IRAK2: variants seen among roughly 807,000 people sequenced by gnomAD.
IRAK2 encodes interleukin-1 receptor-associated kinase-like 2.
Under a neutral mutation model 72.0 loss-of-function variants are expected in IRAK2, and 57 were observed. The ratio of observed to expected loss-of-function variants is 0.79; its 90% CI spans 0.64 to 0.99. The LOEUF (loss-of-function observed/expected upper bound fraction) is 0.99, where lower values mean the gene tolerates loss of function less well. IRAK2 is among the 50% of genes least tolerant of loss of function. The pLI is 0.00. For missense variants in IRAK2, 790 were observed against 794.4 expected (o/e 0.99, Z 0.07); for synonymous variants, 293 against 312.7 (o/e 0.94, Z 0.67).
Position 10,219,747 on chromosome 3 carries a change from A to G in IRAK2, c.971A>G (p.Glu324Gly). 6.2e-7 allele frequency: 1 copy of G among 1,613,754 alleles called. No individual in the cohort carries two copies. Among genetic ancestry groups the G allele is most frequent in the Admixed American group, 1.7e-5 (1 of 59,992 alleles). Reference protein sequence around the residue: ...SICSGLLCAVEYLHGLEIIHS... With the variant: ...SICSGLLCAVGYLHGLEIIHS... The stretch of plus-strand genomic sequence containing the variant: ...TGCTCAGGGCTGCTCTGTGCCGTCG[A>G]GTACCTGCATGGTCTGGAGATCATC... Residue 324 changes from glutamate to glycine, a missense_variant, in exon 8 of 13, where the codon GAG becomes GGG. Transcript: ENST00000256458.
Position 10,222,763 on chromosome 3 carries a change from T to C in IRAK2, c.1141T>C (p.Tyr381His), listed in dbSNP as rs944113813. The C allele has an allele frequency of 1.2e-6, 2 of 1,614,246 alleles. No homozygotes were observed. Among genetic ancestry groups the C allele is most frequent in the Non-Finnish European group, 1.7e-6 (2 of 1,180,034 alleles). ...KTHLLRTSAAYLPEDFIRVGQ... is the reference protein window; with the variant it reads ...KTHLLRTSAAHLPEDFIRVGQ... ...TCACCTGCTCCGGACGTCAGCCGCGTATCTGCCAGAGGATTTCATCCGGGT... is the reference window on the plus strand; with the variant it reads ...TCACCTGCTCCGGACGTCAGCCGCGCATCTGCCAGAGGATTTCATCCGGGT... Residue 381 changes from tyrosine to histidine, a missense_variant, in exon 9 of 13, where the codon TAT (tyrosine) becomes CAT (histidine). Physicochemically the swap from Tyr to His is moderately conservative, Grantham distance 83 (BLOSUM62 2). Transcript: ENST00000256458.
At chr3:10,190,084 C>G (rs1453010001) in intron 2 of IRAK2, among the ~76,000 whole-genome samples, 1 of 151,060 alleles carries the variant, frequency 6.6e-6, no homozygotes. Context: ...AGTAATTTCC[C>G]AAGGCCACAT....
chr3:10,222,135 A>G (rs907440517), intron 8 of IRAK2, among the ~76,000 whole-genome samples: 1 of 151,804 alleles, frequency 6.6e-6, no homozygotes, highest in Non-Finnish European at 1.5e-5. Context: ...TGATCTGCCC[A>G]TCTCGGCCTC....
chr3:10,239,263 C>A (rs982019743), intron 12 of IRAK2, among the ~76,000 whole-genome samples: 8 of 152,186 alleles, frequency 5.3e-5, no homozygotes, highest in African/African-American at 1.9e-4. Context: ...CATTGGCCTC[C>A]AAAATCTCTC....
intron 1 of IRAK2, among the ~76,000 whole-genome samples, chr3:10,168,902 C>T (rs1266726794): frequency 1.3e-5 from 2 of 152,196 alleles, no homozygotes; most frequent in Admixed American, 1.3e-4. Flanking sequence ...TATTAGTTTC[C>T]TCCTGTTGCA....
chr3:10,209,462 T>G (rs1697484890), intron 3 of IRAK2, 127 bp from the exon 4 acceptor site: 1 of 539,746 alleles, frequency 1.9e-6, no homozygotes, highest in Non-Finnish European at 3.2e-6. Context: ...ATGGTGGGTG[T>G]CAGGAATTGG....
At position 10,226,356 on chromosome 3, in the gene IRAK2, T is replaced by A. The variant is rs1274986822; in HGVS notation, c.1210-15T>A. ...AGCGTCTGAACCATGCTAACTCACGTTCTGTTCTCTCCAGGTGTTGGCCGA... is the reference window on the plus strand; with the variant it reads ...AGCGTCTGAACCATGCTAACTCACGATCTGTTCTCTCCAGGTGTTGGCCGA... On this transcript the variant is annotated splice_polypyrimidine_tract_variant and intron_variant, in intron 9 of 12. Coordinates refer to ENST00000256458, the MANE Select transcript of IRAK2 (RefSeq NM_001570.4). 6.2e-7 allele frequency: 1 copy of A among 1,611,624 alleles called. No individual in the cohort carries two copies. Among genetic ancestry groups the A allele is most frequent in the Admixed American group, 1.7e-5 (1 of 59,942 alleles).
chr3:10,227,207 G>A (rs1697792934), intron 10 of IRAK2, among the ~76,000 whole-genome samples: 1 of 152,046 alleles, frequency 6.6e-6, no homozygotes, highest in African/African-American at 2.4e-5. Flanking sequence ...GCACTTTGGA[G>A]GAGGCCAAGG....
chr3:10,233,197 G>A (rs1180278839), intron 10 of IRAK2, among the ~76,000 whole-genome samples: 1 of 151,936 alleles, frequency 6.6e-6, no homozygotes, highest in South Asian at 2.1e-4. Context: ...CTATAGGCAC[G>A]CACCGCCATG....
At chr3:10,191,332 C>T (rs1017476712) in intron 2 of IRAK2, among the ~76,000 whole-genome samples, 5 of 151,714 alleles carry the variant, frequency 3.3e-5, no homozygotes, top group African/African-American at 4.8e-5. Flanking sequence ...CCAGTCGTGA[C>T]GCCCAGCCTA....
chr3:10,219,974 C>T (rs947290295), intron 8 of IRAK2, among the ~76,000 whole-genome samples, 185 bp downstream of exon 8: 6 of 152,160 alleles, frequency 3.9e-5, no homozygotes, highest in African/African-American at 7.2e-5. Flanking sequence ...TGAGTGTTTC[C>T]GGGCTGTGCT....
At chr3:10,166,217 C>T (rs1484560626) in intron 1 of IRAK2, among the ~76,000 whole-genome samples, 1 of 152,190 alleles carries the variant, frequency 6.6e-6, no homozygotes, top group Non-Finnish European at 1.5e-5. Context: ...TGACTATCAA[C>T]CTGTTTTGAG....
chr3:10,182,827 G>A (rs919739602), intron 2 of IRAK2, among the ~76,000 whole-genome samples: 3 of 151,424 alleles, frequency 2.0e-5, no homozygotes, highest in Admixed American at 6.6e-5. Context: ...CTGGAGTGCA[G>A]TAGTGCGATC....
rs758996931 is a variant in IRAK2, at chr3:10,177,913, C to T, written c.170C>T (p.Thr57Met). Reference protein sequence around the residue: ...SMERVQGVSITRELLWWWGMR... With the variant: ...SMERVQGVSIMRELLWWWGMR... ...GAGCGGGTGCAGGGTGTGAGCATCACGCGGGAGCTGCTGTGGTGGTGGGGC... is the reference window on the plus strand; with the variant it reads ...GAGCGGGTGCAGGGTGTGAGCATCATGCGGGAGCTGCTGTGGTGGTGGGGC... The change falls in exon 2 of 13, where the codon ACG (threonine) becomes ATG (methionine). Residue 57 changes from threonine (T) to methionine (M), a missense_variant. Physicochemically the swap from Thr to Met is moderately conservative, Grantham distance 81. Coordinates refer to ENST00000256458, the MANE Select transcript of IRAK2 (RefSeq NM_001570.4). 13 of 1,613,796 alleles carry T rather than the reference C, an allele frequency of 8.1e-6. No homozygotes were observed. Among genetic ancestry groups the T allele is most frequent in the Admixed American group, 3.3e-5 (2 of 60,004 alleles).
At chr3:10,222,521 A>G in intron 8 of IRAK2, 115 bp from the exon 9 acceptor site, 1 of 801,812 alleles carries the variant, frequency 1.2e-6, no homozygotes, top group Admixed American at 2.1e-5. Flanking sequence ...GGGTCTTTAG[A>G]GACCTCAACT....
intron 3 of IRAK2, among the ~76,000 whole-genome samples, chr3:10,207,896 G>C (rs1415905824): frequency 1.3e-5 from 2 of 151,590 alleles, no homozygotes; most frequent in Non-Finnish European, 2.9e-5. Flanking sequence ...GTAGGCTGAG[G>C]CAGGAGAATC....
chr3:10,219,282 C>G (rs1031249973), intron 7 of IRAK2, among the ~76,000 whole-genome samples: 1 of 152,002 alleles, frequency 6.6e-6, no homozygotes, highest in Non-Finnish European at 1.5e-5. Context: ...GGATCAGGAG[C>G]CTGGGACCCT....
rs1397867033 is a variant in IRAK2, at chr3:10,200,402, C to G, written c.311C>G (p.Pro104Arg). ...GCTCCTGAAATCAGGTGTCCCATTC[C>G]AGCCTTCCCTGACTCTGTGAAGCCA... ...KPAPEIRCPI[P>R]AFPDSVKPEK... Residue 104 changes from proline to arginine, a missense_variant, in exon 3 of 13, where the codon CCA (proline) becomes CGA (arginine). Physicochemically the swap from Pro to Arg is moderately radical, Grantham distance 103. Coordinates refer to ENST00000256458, the MANE Select transcript of IRAK2 (RefSeq NM_001570.4). The G allele has an allele frequency of 6.2e-7, 1 of 1,601,502 alleles. No individual in the cohort carries two copies.
Position 10,219,681 on chromosome 3 carries a change from G to A in IRAK2, c.905G>A (p.Gly302Asp), listed in dbSNP as rs201081518. Residue 302 changes from glycine (G) to aspartate (D), a missense_variant and splice_region_variant, in exon 8 of 13, where the codon GGT becomes GAT. Coordinates refer to ENST00000256458, the MANE Select transcript of IRAK2 (RefSeq NM_001570.4). ...GSLQDRLQGQ[G>D]GSDPLPWPQR... ...TCCTCCTGCTTTTCTTTCTCTTAGG[G>A]TGGCTCGGACCCCCTCCCCTGGCCC... The A allele has an allele frequency of 1.2e-5, 20 of 1,612,122 alleles. No individual in the cohort carries two copies. The African/African-American group carries it at 1.7e-4, about 14-fold the overall frequency.
Sources: allele counts gnomAD v4.1 joint callset (sites outside exome capture counted in the v4.1 genomes callset), GRCh38; gene constraint gnomAD v4.1.1; transcripts MANE v1.5; gene names NCBI Gene and HGNC (gene_info 2026-07-23, HGNC 2026-07-21).